The following NACC2 variants were observed in gnomAD, a reference collection of about 807,000 sequenced individuals.
NACC2 encodes the protein nucleus accumbens-associated protein 2.
A neutral mutation model predicts 25.1 loss-of-function variants in NACC2; 8 were observed. The ratio of observed to expected loss-of-function variants is 0.32; its 90% confidence interval spans 0.19 to 0.57. The LOEUF is 0.57. NACC2 is among the 20% of genes least tolerant of loss of function. NACC2 has a pLI of 0.89. For missense variants in NACC2, 644 were observed against 650.2 expected (o/e 0.99, Z 0.10); for synonymous variants, 435 against 294.7 (o/e 1.48, Z -4.88).
rs1477777275 is a variant in NACC2 at position 136,011,166 on chromosome 9, GAGCAGGAAGGGCA to G, written c.*337_*349del. Reference sequence around the variant, plus strand: ...CCCTGCTTCGTCTTCCGGGCAGGAGGAGCAGGAAGGGCAGGGAGGAAGGGGCAGGGCTGGGCAC... The same window carrying G: ...CCCTGCTTCGTCTTCCGGGCAGGAGGGGGAGGAAGGGGCAGGGCTGGGCAC... On this transcript the variant is annotated 3_prime_UTR_variant, in exon 6 of 6. Coordinates refer to ENST00000277554, the MANE Select transcript of NACC2 (RefSeq NM_144653.5). 2 of 178,950 alleles carry G rather than the reference GAGCAGGAAGGGCA, an allele frequency of 1.1e-5. No homozygotes were observed. Among genetic ancestry groups the G allele is most frequent in the East Asian group, 2.9e-4 (2 of 6,866 alleles). 11.1% of individuals were successfully genotyped at this position (178,950 alleles called of 1,614,324 possible). A position where few individuals can be genotyped will look rare whatever the true frequency, so the allele number is the denominator to read the frequency against.
chr9:136,023,303 G>A lies in NACC2; in HGVS notation c.887-6874C>T, dbSNP rs1025812320. Among the ~76,000 whole-genome samples the A allele has an allele frequency of 2.0e-5, 3 of 151,806 alleles. No homozygotes were observed. In the East Asian group the frequency reaches 5.9e-4, roughly 30 times the overall value. On this transcript the variant is annotated intron_variant, in intron 2 of 5. Coordinates refer to ENST00000277554, the MANE Select transcript of NACC2 (RefSeq NM_144653.5). ...CTGGCACCCCCAGGAGCTTGCTCCC[G>A]ACGCGAGGGGCCGGCATGACCCTGC...
At chr9:136,077,771 G>A (rs1564241360) in intron 1 of NACC2, among the ~76,000 whole-genome samples, 1 of 152,200 alleles carries the variant, frequency 6.6e-6, no homozygotes, top group East Asian at 1.9e-4. Context: ...CAACAAAATT[G>A]TGCTTAAAAT....
rs111923676 is a variant in NACC2, at chr9:136,074,007, A to T, written c.-60+21182T>A. On this transcript the variant is annotated intron_variant, in intron 1 of 5. Coordinates refer to ENST00000277554, the MANE Select transcript of NACC2 (RefSeq NM_144653.5). ...CCGTCATGTCCTTGACTATTTTTTT[A>T]AAAAAATTAAGATCTTGGCCGGGCA... Among the ~76,000 whole-genome samples, 167 of 152,218 alleles carry T rather than the reference A, an allele frequency of 1.1e-3. 1 individual carries two copies. Among genetic ancestry groups the T allele is most frequent in the African/African-American group, 3.1e-3 (130 of 41,534 alleles).
chr9:136,012,790 G>A (rs926349167), intron 5 of NACC2, among the ~76,000 whole-genome samples: 6 of 152,280 alleles, frequency 3.9e-5, no homozygotes, highest in Admixed American at 2.0e-4. Flanking sequence ...TCTGGGGCGC[G>A]GGCCGGGGGC....
Position 136,012,000 on chromosome 9 carries a change from C to G in NACC2, c.1280G>C (p.Ser427Thr). 2 of 1,595,898 alleles carry G rather than the reference C, an allele frequency of 1.3e-6. No homozygotes were observed. The highest frequency in any genetic ancestry group is 1.7e-6 in the Non-Finnish European group (2 of 1,172,008). The change falls in exon 6 of 6, where the codon AGC becomes ACC. Residue 427 changes from serine (S) to threonine (T), a missense_variant. Ser to Thr is a moderately conservative substitution (Grantham distance 58). Transcript: ENST00000277554. ...VKLYCQNFAP[S>T]FKESEMNVIA... ...CACGTTCATCTCGCTCTCCTTGAAG[C>G]TGGGGGCGAAGTTCTGACAGTACAC...
Position 136,007,800 on chromosome 9 carries a change from G to A in NACC2, c.*3716C>T, listed in dbSNP as rs949526777. ...GATGTTTCCATAAAAATTTCCCTTT[G>A]AGGGGAGCCCAGGCAGTACACGGCT... is the stretch of plus-strand genomic sequence containing the variant. On this transcript the variant is annotated 3_prime_UTR_variant, in exon 6 of 6. Coordinates refer to ENST00000277554, the MANE Select transcript of NACC2 (RefSeq NM_144653.5). The A allele has an allele frequency of 2.0e-5, 3 of 152,248 alleles. No individual in the cohort carries two copies. Among genetic ancestry groups the A allele is most frequent in the African/African-American group, 7.2e-5 (3 of 41,422 alleles). The allele number at this position is 152,248 out of a possible 1,614,324, so 9.4% of individuals were successfully genotyped here. A position where few individuals can be genotyped will look rare whatever the true frequency, so the allele number is the denominator to read the frequency against.
intron 1 of NACC2, among the ~76,000 whole-genome samples, chr9:136,083,055 C>T (rs151219276): frequency 2.0e-4 from 30 of 152,356 alleles, no homozygotes; most frequent in African/African-American, 5.3e-4. Flanking sequence ...GATCTCCTGA[C>T]GACCGAGCAC....
rs1283835604 is a variant in NACC2, at chr9:136,086,253, C to T, written c.-60+8936G>A. On this transcript the variant is annotated intron_variant, in intron 1 of 5. Transcript: ENST00000277554. The surrounding 1 kb of genome is among the most constrained non-coding windows in gnomAD (Gnocchi z 5.6). ...CTGCCTTCCTGTGAGAGAACCCTCA[C>T]ACCGTGCAGCTGGGGACAGGACGAA... Among the ~76,000 whole-genome samples, 1 of 152,250 alleles carries T rather than the reference C, an allele frequency of 6.6e-6. No homozygotes were observed. The highest frequency in any genetic ancestry group is 1.5e-5 in the Non-Finnish European group (1 of 68,044).
At chr9:136,073,283 A>C (rs1404719141) in intron 1 of NACC2, among the ~76,000 whole-genome samples, 2 of 152,046 alleles carry the variant, frequency 1.3e-5, no homozygotes, top group African/African-American at 4.8e-5. Context: ...AAAATAAACT[A>C]GCTGGGCATG....
Position 136,013,173 on chromosome 9 carries a change from C to CCCCCCCAGA in NACC2, c.1255+25_1255+26insTCTGGGGGG. 2 of 1,281,022 alleles carry CCCCCCCAGA rather than the reference C, an allele frequency of 1.6e-6. No individual in the cohort carries two copies. The highest frequency in any genetic ancestry group is 2.3e-6 in the Non-Finnish European group (2 of 883,266). The allele number at this position is 1,281,022 out of a possible 1,614,324, so 79.4% of individuals were successfully genotyped here. ...ATCTGAACCCAGCCCCGGCCCCACCCACCCGAGAGACCCCCAGGCTCTTAC... is the reference window on the plus strand; with the variant it reads ...ATCTGAACCCAGCCCCGGCCCCACCCCCCCCCAGAACCCGAGAGACCCCCAGGCTCTTAC... On this transcript the variant is annotated intron_variant, in intron 5 of 5. Transcript: ENST00000277554. The surrounding 1 kb of genome is among the most constrained non-coding windows in gnomAD (Gnocchi z 6.6).
rs57460855 is a variant in NACC2, at chr9:136,033,894, G to GGTGT, written c.886+15738_886+15741dup. Among the ~76,000 whole-genome samples, 1,021 of 137,012 alleles carry GGTGT rather than the reference G, an allele frequency of 7.5e-3. 8 individuals are homozygous for GGTGT. Among genetic ancestry groups the GGTGT allele is most frequent in the East Asian group, 0.02 (94 of 4,666 alleles). The allele number at this position is 137,012 out of a possible 152,430, so 89.9% of individuals were successfully genotyped here. On this transcript the variant is annotated intron_variant, in intron 2 of 5. Transcript: ENST00000277554. Reference sequence around the variant, plus strand: ...ATGCAATCCCAATCAAATTCCAGCAGGTGTGTGTGTGTGTGTGTGTGTGTG... The same window carrying GGTGT: ...ATGCAATCCCAATCAAATTCCAGCAGGTGTGTGTGTGTGTGTGTGTGTGTGTGTG...
At position 136,018,040 on chromosome 9, in the gene NACC2, G is replaced by A. The variant is rs1840229349; in HGVS notation, c.887-1611C>T. On this transcript the variant is annotated intron_variant, in intron 2 of 5. Transcript: ENST00000277554. This position sits in a 1 kb window ranked among gnomAD's most constrained non-coding sequence, Gnocchi z 4.4. ...GTGGGGGGCGGGGGGCAGCTTGCAG[G>A]ACCTGCTGGTCTCAGCTGTGCAGAG... 6.6e-6 allele frequency among the ~76,000 whole-genome samples: 1 copy of A among 152,140 alleles called. No individual in the cohort carries two copies. Among genetic ancestry groups the A allele is most frequent in the African/African-American group, 2.4e-5 (1 of 41,438 alleles).
At chr9:136,035,380 C>T (rs1414735868) in intron 2 of NACC2, among the ~76,000 whole-genome samples, 1 of 151,872 alleles carries the variant, frequency 6.6e-6, no homozygotes, top group Non-Finnish European at 1.5e-5. Flanking sequence ...AATGCACAAC[C>T]TGACCCCAGT....
intron 2 of NACC2, among the ~76,000 whole-genome samples, chr9:136,043,780 A>G (rs1056241424): frequency 1.3e-5 from 2 of 152,208 alleles, no homozygotes; most frequent in Non-Finnish European, 2.9e-5. Context: ...TTGATTGCAC[A>G]GTGAACTCAC....
chr9:136,013,445 C>A lies in NACC2; in HGVS notation c.1158-149G>T, dbSNP rs1840145264. ...GTCCCAGTGGCAGGAGCCGGCCCAG[C>A]CACCCTCTAAGGGACAGGACAAAGG... On this transcript the variant is annotated intron_variant, in intron 4 of 5. Coordinates refer to ENST00000277554, the MANE Select transcript of NACC2 (RefSeq NM_144653.5). This position sits in a 1 kb window ranked among gnomAD's most constrained non-coding sequence, Gnocchi z 6.6. The A allele has an allele frequency of 4.6e-6, 3 of 658,076 alleles. No individual in the cohort carries two copies. Among genetic ancestry groups the A allele is most frequent in the Non-Finnish European group, 7.8e-6 (3 of 382,728 alleles). The allele number at this position is 658,076 out of a possible 1,614,324, so 40.8% of individuals were successfully genotyped here. A position where few individuals can be genotyped will look rare whatever the true frequency, so the allele number is the denominator to read the frequency against.
At chr9:136,047,532 G>A (rs1324235515) in intron 2 of NACC2, among the ~76,000 whole-genome samples, 2 of 152,168 alleles carry the variant, frequency 1.3e-5, no homozygotes, top group African/African-American at 2.4e-5. Flanking sequence ...AGCGACACCC[G>A]TGCAAAGGCA....
chr9:136,022,975 G>A lies in NACC2; in HGVS notation c.887-6546C>T, dbSNP rs1840314975. On this transcript the variant is annotated intron_variant, in intron 2 of 5. Coordinates refer to ENST00000277554, the MANE Select transcript of NACC2 (RefSeq NM_144653.5). This position sits in a 1 kb window ranked among gnomAD's most constrained non-coding sequence, Gnocchi z 4.4. Reference sequence around the variant, plus strand: ...CTGACACATGGGGAAATGCAGAAAAGCCCAGCAGGGAAAGCCAGGAGGAAG... The same window carrying A: ...CTGACACATGGGGAAATGCAGAAAAACCCAGCAGGGAAAGCCAGGAGGAAG... Among the ~76,000 whole-genome samples, 2 of 141,830 alleles carry A rather than the reference G, an allele frequency of 1.4e-5. No homozygotes were observed. The highest frequency in any genetic ancestry group is 1.5e-4 in the Admixed American group (2 of 13,506). 93.0% of individuals were successfully genotyped at this position (141,830 alleles called of 152,430 possible). A position where few individuals can be genotyped will look rare whatever the true frequency, so the allele number is the denominator to read the frequency against.
At chr9:136,026,548 AG>A in intron 2 of NACC2, among the ~76,000 whole-genome samples, 1 of 152,068 alleles carries the variant, frequency 6.6e-6, no homozygotes, top group East Asian at 1.9e-4. Flanking sequence ...CCGCATCAAA[AG>A]GAAAGTGATC....
intron 2 of NACC2, among the ~76,000 whole-genome samples, chr9:136,042,755 G>GAC (rs533292055): frequency 2.8e-5 from 4 of 142,922 alleles, no homozygotes; most frequent in African/African-American, 1.0e-4. Context: ...CAGAGACAGA[G>GAC]ACACACACAC....
Sources: gnomAD v4.1 joint callset for allele counts (sites outside exome capture counted in the v4.1 genomes callset) on GRCh38, gnomAD v4.1.1 for gene constraint, Gnocchi (gnomAD v3.1) non-coding constraint, MANE v1.5 for transcripts, NCBI Gene and HGNC (gene_info 2026-07-23, HGNC 2026-07-21) for gene names.